BCKDHB: variants seen among roughly 807,000 people sequenced by gnomAD.
The protein encoded by BCKDHB is branched chain keto acid dehydrogenase E1 subunit beta.
In BCKDHB, 41 loss-of-function variants were observed where a neutral mutation model predicts 48.5. The observed-to-expected ratio is 0.85, with a 90% confidence interval of 0.66 to 1.10. The LOEUF is 1.10. Among genes scored for constraint, BCKDHB ranks in the 50% least tolerant of loss-of-function variants. The pLI is 0.00. For synonymous variants in BCKDHB, 201 were observed against 174.8 expected, an observed-to-expected ratio of 1.15 and a Z score of -1.18; for missense variants, 496 against 494.2, an observed-to-expected ratio of 1.00 and a Z score of -0.03.
chr6:80,177,539 A>G (rs1422889785), intron 6 of BCKDHB, among the ~76,000 whole-genome samples: 1 of 152,128 alleles, frequency 6.6e-6, no homozygotes, highest in African/African-American at 2.4e-5. Flanking sequence ...AAGGAAACAA[A>G]CATGAGTGTT....
chr6:80,390,130 C>T, the BCKDHB span, among the ~76,000 whole-genome samples: 1 of 152,110 alleles, frequency 6.6e-6, no homozygotes, highest in African/African-American at 2.4e-5. Context: ...CCCAGACTAA[C>T]AAGATGAAAT....
downstream of BCKDHB, among the ~76,000 whole-genome samples, chr6:80,349,719 A>G (rs1159480201): frequency 6.6e-6 from 1 of 152,208 alleles, no homozygotes; most frequent in African/African-American, 2.4e-5. Flanking sequence ...AATACATCAT[A>G]GTGAAGGAAA....
the BCKDHB span, among the ~76,000 whole-genome samples, chr6:80,387,833 G>T: frequency 2.0e-5 from 3 of 152,194 alleles, no homozygotes; most frequent in African/African-American, 7.2e-5. Flanking sequence ...TATCACACTG[G>T]TCCATTACAT....
At chr6:80,141,079 A>C (rs1331418422) in intron 3 of BCKDHB, among the ~76,000 whole-genome samples, 1 of 152,106 alleles carries the variant, frequency 6.6e-6, no homozygotes, top group Admixed American at 6.6e-5. Flanking sequence ...TAGATTTTCT[A>C]GTTTATTTGC....
chr6:80,195,637 T>G (rs1315387899), intron 6 of BCKDHB, among the ~76,000 whole-genome samples: 2 of 152,170 alleles, frequency 1.3e-5, no homozygotes, highest in African/African-American at 4.8e-5. Flanking sequence ...AAGAGCTGAT[T>G]AATTTAATGT....
chr6:80,377,510 G>T, the BCKDHB span, among the ~76,000 whole-genome samples: 13 of 152,202 alleles, frequency 8.5e-5, no homozygotes, highest in Non-Finnish European at 1.8e-4. Flanking sequence ...CCCATTTTAA[G>T]TTAATTTCTT....
At chr6:80,349,549 TA>T (rs1193018393), downstream of BCKDHB, among the ~76,000 whole-genome samples, 3 of 152,266 alleles carry the variant, frequency 2.0e-5, no homozygotes, top group South Asian at 2.1e-4. Flanking sequence ...AAAATCCAAT[TA>T]AAAGCTGTTC....
At chr6:80,118,889 A>G (rs1315996352) in intron 1 of BCKDHB, among the ~76,000 whole-genome samples, 4 of 152,166 alleles carry the variant, frequency 2.6e-5, no homozygotes, top group Non-Finnish European at 5.9e-5. Context: ...AAGTTTTATC[A>G]TGAGATTGTA....
intron 9 of BCKDHB, among the ~76,000 whole-genome samples, chr6:80,329,272 A>T (rs934761481): frequency 6.6e-6 from 1 of 152,132 alleles, no homozygotes; most frequent in African/African-American, 2.4e-5. Flanking sequence ...GAATAAAATA[A>T]TTTTCATGAA....
chr6:80,255,927 C>T (rs3812122), intron 8 of BCKDHB, among the ~76,000 whole-genome samples: 1 of 152,282 alleles, frequency 6.6e-6, no homozygotes, highest in East Asian at 1.9e-4. Context: ...AGAAATTTGA[C>T]TACTGGTTCC....
At chr6:80,211,497 A>G (rs1335987058) in intron 8 of BCKDHB, among the ~76,000 whole-genome samples, 4 of 152,128 alleles carry the variant, frequency 2.6e-5, no homozygotes, top group African/African-American at 9.7e-5. Context: ...TTTCCTTGCC[A>G]TAGGCAGAGT....
At chr6:80,329,605 G>A (rs1769218023) in intron 9 of BCKDHB, among the ~76,000 whole-genome samples, 1 of 152,048 alleles carries the variant, frequency 6.6e-6, no homozygotes, top group African/African-American at 2.4e-5. Context: ...GTCCCACTTT[G>A]GGTGTCTCCC....
chr6:80,247,671 C>T (rs1776671068), intron 8 of BCKDHB, among the ~76,000 whole-genome samples: 1 of 152,196 alleles, frequency 6.6e-6, no homozygotes, highest in Non-Finnish European at 1.5e-5. Context: ...TGGATGCTTT[C>T]TGGAAGGTTG....
At chr6:80,279,061 C>T (rs1363435092) in intron 9 of BCKDHB, among the ~76,000 whole-genome samples, 19 of 152,106 alleles carry the variant, frequency 1.2e-4, no homozygotes, top group Admixed American at 6.6e-5. Flanking sequence ...TTATGGAAAT[C>T]AGCTTATATA....
chr6:80,433,849 A>T, the BCKDHB span, among the ~76,000 whole-genome samples: 2 of 152,060 alleles, frequency 1.3e-5, no homozygotes, highest in East Asian at 3.9e-4. Context: ...TTTGATTTGG[A>T]ATCATTATGT....
intron 8 of BCKDHB, among the ~76,000 whole-genome samples, chr6:80,234,991 G>T (rs376876707): frequency 1.3e-5 from 2 of 152,212 alleles, no homozygotes; most frequent in Admixed American, 6.5e-5. Context: ...GAGCAGAATA[G>T]TGGTAACCAG....
chr6:80,242,294 T>C (rs1776421213), intron 8 of BCKDHB, among the ~76,000 whole-genome samples: 1 of 152,214 alleles, frequency 6.6e-6, no homozygotes, highest in Non-Finnish European at 1.5e-5. Context: ...TTTAACAGTA[T>C]CCACTGTTCA....
At chr6:80,138,427 A>G (rs994728058) in intron 3 of BCKDHB, among the ~76,000 whole-genome samples, 3 of 151,990 alleles carry the variant, frequency 2.0e-5, no homozygotes, top group East Asian at 1.9e-4. Flanking sequence ...ATATCTCCCA[A>G]TGCTATTCCT....
the BCKDHB span, among the ~76,000 whole-genome samples, chr6:80,423,617 T>C: frequency 6.6e-6 from 1 of 152,224 alleles, no homozygotes; most frequent in African/African-American, 2.4e-5. Context: ...TCTCCACATC[T>C]CTTGAATTAG....
Sources: allele counts gnomAD v4.1 joint callset (sites outside exome capture counted in the v4.1 genomes callset), GRCh38; gene constraint gnomAD v4.1.1; transcripts MANE v1.5; gene names NCBI Gene and HGNC (gene_info 2026-07-23, HGNC 2026-07-21).